Variants in ESRRG observed in about 807,000 individuals in gnomAD.
The protein encoded by ESRRG is estrogen related receptor gamma.
In ESRRG, 13 loss-of-function variants were observed where a neutral mutation model predicts 44.0. That is an observed-to-expected ratio of 0.30 (90% confidence interval 0.19 to 0.47). ESRRG has a LOEUF of 0.47. Among genes scored for constraint, ESRRG ranks in the 20% least tolerant of loss-of-function variants. ESRRG has a pLI of 1.00. For missense variants in ESRRG, 395 were observed against 580.6 expected, an observed-to-expected ratio of 0.68 and a Z score of 3.29; for synonymous variants, 215 against 214.6, an observed-to-expected ratio of 1.00 and a Z score of -0.02.
At chr1:216,821,981 A>G (rs1468555671) in intron 2 of ESRRG, among the ~76,000 whole-genome samples, 3 of 151,868 alleles carry the variant, frequency 2.0e-5, no homozygotes, top group Admixed American at 2.0e-4. Flanking sequence ...GTAACTCTCC[A>G]TTGCCTGGCC....
intron 2 of ESRRG, among the ~76,000 whole-genome samples, chr1:216,881,140 G>T (rs1402439252): frequency 6.6e-6 from 1 of 152,076 alleles, no homozygotes; most frequent in African/African-American, 2.4e-5. Flanking sequence ...TGATACCAAA[G>T]AAAATCTTGG....
intron 3 of ESRRG, among the ~76,000 whole-genome samples, chr1:216,645,822 A>G (rs2067434928): frequency 6.7e-6 from 1 of 150,002 alleles, no homozygotes; most frequent in Admixed American, 6.7e-5. Flanking sequence ...CAGTGAGCCA[A>G]GATCATGCCA....
At chr1:216,693,440 C>A (rs188841803) in intron 1 of ESRRG, among the ~76,000 whole-genome samples, 1 of 152,108 alleles carries the variant, frequency 6.6e-6, no homozygotes, top group Non-Finnish European at 1.5e-5. Flanking sequence ...TTTTAACATC[C>A]TTTTTAATGT....
At chr1:216,766,185 T>C (rs2093066195) in intron 2 of ESRRG, among the ~76,000 whole-genome samples, 1 of 152,132 alleles carries the variant, frequency 6.6e-6, no homozygotes, top group African/African-American at 2.4e-5. Context: ...GTTAGTATTA[T>C]GTCTCTCTCT....
intron 2 of ESRRG, chr1:216,863,307 G>C (rs1446868536): frequency 1.3e-5 from 2 of 152,114 alleles, no homozygotes; most frequent in Non-Finnish European, 2.9e-5. Context: ...AGAAAATAGA[G>C]AAATTATAGC....
intron 3 of ESRRG, among the ~76,000 whole-genome samples, chr1:216,645,678 C>T (rs2067392455): frequency 6.6e-6 from 1 of 151,690 alleles, no homozygotes; most frequent in African/African-American, 2.4e-5. Context: ...TTGAGAACAG[C>T]CTGAGTAACA....
At chr1:216,903,428 A>AGTGTGTGTGTGT (rs58137897) in intron 2 of ESRRG, among the ~76,000 whole-genome samples, 1 of 148,198 alleles carries the variant, frequency 6.7e-6, no homozygotes, top group Non-Finnish European at 1.5e-5. Context: ...TGTGTGTTCA[A>AGTGTGTGTGTGT]GTGTGTGTGT....
chr1:217,080,159 G>A (rs889920840), intron 1 of ESRRG, among the ~76,000 whole-genome samples: 5 of 152,058 alleles, frequency 3.3e-5, no homozygotes, highest in Admixed American at 6.5e-5. Flanking sequence ...ACAGTGTCAC[G>A]TATACATATA....
At chr1:216,824,077 T>A (rs1184037115) in intron 2 of ESRRG, among the ~76,000 whole-genome samples, 1 of 152,178 alleles carries the variant, frequency 6.6e-6, no homozygotes, top group Non-Finnish European at 1.5e-5. Flanking sequence ...AAAATGACTT[T>A]CTTTCCCCTA....
intron 2 of ESRRG, among the ~76,000 whole-genome samples, chr1:216,882,983 C>G (rs2149330805): frequency 6.6e-6 from 1 of 151,830 alleles, no homozygotes; most frequent in South Asian, 2.1e-4. Context: ...TGACCGAAAT[C>G]TACCGCTTTC....
chr1:216,516,606 G>A (rs971984937), intron 6 of ESRRG, among the ~76,000 whole-genome samples: 20 of 117,614 alleles, frequency 1.7e-4, no homozygotes, highest in African/African-American at 5.6e-4. Context: ...AGTTACTTAT[G>A]TTAATCTGGA....
chr1:216,862,929 C>A (rs2096076745), intron 2 of ESRRG: 1 of 151,864 alleles, frequency 6.6e-6, no homozygotes, highest in South Asian at 2.1e-4. Flanking sequence ...AGAGCTGGTA[C>A]AAACAAAGAT....
At chr1:217,070,232 C>T (rs898898176) in intron 1 of ESRRG, among the ~76,000 whole-genome samples, 29 of 151,922 alleles carry the variant, frequency 1.9e-4, no homozygotes, top group Admixed American at 1.6e-3. Flanking sequence ...ATTTAGTTCA[C>T]AATACTTTAA....
intron 2 of ESRRG, among the ~76,000 whole-genome samples, chr1:216,747,778 A>G (rs1378995618): frequency 6.6e-6 from 1 of 152,182 alleles, no homozygotes; most frequent in Non-Finnish European, 1.5e-5. Flanking sequence ...AGTCTATTCA[A>G]ACCTTAAAAT....
chr1:216,629,861 A>C (rs1226104642), intron 3 of ESRRG, among the ~76,000 whole-genome samples: 1 of 152,168 alleles, frequency 6.6e-6, no homozygotes, highest in East Asian at 1.9e-4. Context: ...AGAGGGGGGA[A>C]ATGCCAGTTT....
chr1:216,656,786 T>A (rs11117646), intron 2 of ESRRG, among the ~76,000 whole-genome samples: 25,192 of 152,194 alleles, frequency 0.17, 2,148 homozygotes, highest in Middle Eastern at 0.2. Context: ...CATACAGACA[T>A]CATAATTGTA....
chr1:216,889,203 T>C (rs1163351907), intron 2 of ESRRG, among the ~76,000 whole-genome samples: 1 of 152,144 alleles, frequency 6.6e-6, no homozygotes, highest in African/African-American at 2.4e-5. Flanking sequence ...GGGGTCAAAA[T>C]GCTGACTCTC....
At chr1:216,538,836 C>T (rs1010005145) in intron 5 of ESRRG, among the ~76,000 whole-genome samples, 6 of 151,964 alleles carry the variant, frequency 3.9e-5, no homozygotes, top group African/African-American at 9.6e-5. Flanking sequence ...AAATAAAGTC[C>T]ATAAGATAAT....
chr1:217,002,562 C>T (rs192514932), intron 1 of ESRRG, among the ~76,000 whole-genome samples: 52 of 152,040 alleles, frequency 3.4e-4, no homozygotes, highest in Middle Eastern at 3.4e-3. Flanking sequence ...CCCTGATATT[C>T]ACATCTTTAC....
Sources: allele counts gnomAD v4.1 joint callset (sites outside exome capture counted in the v4.1 genomes callset), GRCh38; gene constraint gnomAD v4.1.1; transcripts MANE v1.5; gene names NCBI Gene and HGNC (gene_info 2026-07-23, HGNC 2026-07-21).